Variants in IL1R1 observed in about 807,000 individuals in gnomAD.
IL1R1 encodes interleukin 1 receptor type 1, also known as interleukin-1 receptor type 1.
A neutral mutation model predicts 50.2 loss-of-function variants in IL1R1; 22 were observed. The observed-to-expected ratio is 0.44, with a 90% confidence interval of 0.31 to 0.63. The LOEUF (loss-of-function observed/expected upper bound fraction) is 0.63. Among genes scored for constraint, IL1R1 ranks in the 20% least tolerant of loss-of-function variants. IL1R1 has a pLI of 0.07. For missense variants in IL1R1, 509 were observed against 676.2 expected (o/e 0.75, Z 2.74); for synonymous variants, 251 against 236.7 (o/e 1.06, Z -0.55).
At chr2:102,149,007 T>C (rs1054513341) in intron 1 of IL1R1, among the ~76,000 whole-genome samples, 2 of 152,168 alleles carry the variant, frequency 1.3e-5, no homozygotes, top group Non-Finnish European at 2.9e-5. Context: ...ATCATAATTA[T>C]GGGCTTGGTT....
At chr2:102,152,057 AG>A (rs1683713662) in intron 1 of IL1R1, among the ~76,000 whole-genome samples, 1 of 152,048 alleles carries the variant, frequency 6.6e-6, no homozygotes, top group Non-Finnish European at 1.5e-5. Context: ...AGAACCTAGG[AG>A]GGATAGTGGC....
At position 102,120,481 on chromosome 2, in the gene IL1R1, A is replaced by G. The variant is rs184301341; in HGVS notation, c.-84+15609A>G. Among the ~76,000 whole-genome samples the G allele has an allele frequency of 3.9e-5, 6 of 152,292 alleles. No individual in the cohort carries two copies. The East Asian group carries it at 1.2e-3, about 29-fold the overall frequency. On this transcript the variant is annotated intron_variant, in intron 1 of 10. Coordinates refer to the IL1R1 transcript ENST00000409329. Reference sequence around the variant, plus strand: ...ATTTGTCACATGCAGGAAAGGCACAATTCCTGCCTCCATGAAGCTCACTGT... The same window carrying G: ...ATTTGTCACATGCAGGAAAGGCACAGTTCCTGCCTCCATGAAGCTCACTGT...
intron 1 of IL1R1, among the ~76,000 whole-genome samples, chr2:102,123,381 T>C (rs1681507628): frequency 6.6e-6 from 1 of 152,220 alleles, no homozygotes; most frequent in Admixed American, 6.5e-5. Context: ...GGTCCATGTT[T>C]AAAACAAATT....
Position 102,164,816 on chromosome 2 carries a change from C to G in IL1R1, c.104C>G (p.Ser35Cys), listed in dbSNP as rs201587813. The G allele has an allele frequency of 2.1e-5, 34 of 1,613,856 alleles. No individual in the cohort carries two copies. Among genetic ancestry groups the G allele is most frequent in the Non-Finnish European group, 2.9e-5 (34 of 1,179,934 alleles). The change falls in exon 4 of 12, where the codon TCT becomes TGT. Residue 35 changes from serine to cysteine, a missense_variant. By Grantham distance (112) the Ser-to-Cys change is moderately radical. Coordinates refer to ENST00000410023, the MANE Select transcript of IL1R1 (RefSeq NM_000877.4). The stretch of plus-strand genomic sequence containing the variant: ...GAAGAAAAAATAATTTTAGTGTCAT[C>G]TGCAAATGAAATTGATGTTCGTCCC... Reference protein sequence around the residue: ...EREEKIILVSSANEIDVRPCP... With the variant: ...EREEKIILVSCANEIDVRPCP...
intron 1 of IL1R1, among the ~76,000 whole-genome samples, chr2:102,148,433 A>G (rs576476489): frequency 5.3e-5 from 8 of 152,234 alleles, no homozygotes; most frequent in Admixed American, 2.0e-4. Flanking sequence ...CTCGGATTTT[A>G]CCTCCCAGGG....
chr2:102,140,342 A>C (rs1027881333), upstream of IL1R1, among the ~76,000 whole-genome samples: 2 of 152,076 alleles, frequency 1.3e-5, no homozygotes, highest in Non-Finnish European at 2.9e-5. Flanking sequence ...ATTATCAGAA[A>C]CTCTTCCCAA....
At chr2:102,095,587 T>C (rs1415575490) in intron 1 of IL1R1, among the ~76,000 whole-genome samples, 1 of 152,228 alleles carries the variant, frequency 6.6e-6, no homozygotes, top group Admixed American at 6.5e-5. Flanking sequence ...CTTTGAAGTT[T>C]TCTGTATACC....
chr2:102,108,242 G>T (rs1041951319), intron 1 of IL1R1, among the ~76,000 whole-genome samples: 16 of 27,560 alleles, frequency 5.8e-4, no homozygotes, highest in Non-Finnish European at 9.1e-4. Context: ...GTGTGTGTGT[G>T]GGGGGGGGTG....
intron 1 of IL1R1, among the ~76,000 whole-genome samples, chr2:102,098,974 A>G (rs1467195510): frequency 6.6e-6 from 1 of 152,158 alleles, no homozygotes; most frequent in South Asian, 2.1e-4. Context: ...TTGGGTTGTG[A>G]CTCATACTTA....
chr2:102,147,038 A>C (rs1648046454), intron 1 of IL1R1, among the ~76,000 whole-genome samples: 1 of 152,218 alleles, frequency 6.6e-6, no homozygotes, highest in Non-Finnish European at 1.5e-5. Context: ...TAAGCCAGCC[A>C]TCAGGAATGC....
At chr2:102,151,907 A>G (rs1354136475) in intron 1 of IL1R1, among the ~76,000 whole-genome samples, 2 of 152,144 alleles carry the variant, frequency 1.3e-5, no homozygotes, top group African/African-American at 2.4e-5. Flanking sequence ...AGCGCTGGAC[A>G]CAGAGCCAGC....
upstream of IL1R1, chr2:102,142,549 G>C (rs1682732696): frequency 6.6e-6 from 1 of 152,148 alleles, no homozygotes; most frequent in Admixed American, 6.5e-5. Context: ...CAATGCTTTG[G>C]AACCGGCGGG....
chr2:102,088,522 G>A (rs138666559), intron 1 of IL1R1, among the ~76,000 whole-genome samples: 3 of 152,232 alleles, frequency 2.0e-5, no homozygotes, highest in African/African-American at 7.2e-5. Context: ...TTGTTGTTAA[G>A]TTTATAGCGC....
chr2:102,093,349 T>C (rs1395648809), intron 1 of IL1R1, among the ~76,000 whole-genome samples: 1 of 152,216 alleles, frequency 6.6e-6, no homozygotes, highest in Non-Finnish European at 1.5e-5. Flanking sequence ...TTCATTTCTT[T>C]GGGGTATTTT....
chr2:102,154,444 AC>A (rs1683978066), intron 2 of IL1R1, among the ~76,000 whole-genome samples: 1 of 152,088 alleles, frequency 6.6e-6, no homozygotes, highest in Non-Finnish European at 1.5e-5. Flanking sequence ...TGTGGGTGAC[AC>A]CCTCTGAGCA....
chr2:102,118,878 C>T (rs560042363), intron 1 of IL1R1, among the ~76,000 whole-genome samples: 203 of 151,904 alleles, frequency 1.3e-3, no homozygotes, highest in Non-Finnish European at 2.3e-3. Context: ...ATTAGCCAGG[C>T]GTGGTGGCAG....
chr2:102,076,410 C>A (rs1577786569), intron 1 of IL1R1, among the ~76,000 whole-genome samples: 1 of 152,156 alleles, frequency 6.6e-6, no homozygotes, highest in Non-Finnish European at 1.5e-5. Flanking sequence ...ATCTCCTGAC[C>A]TCGTGATCCA....
chr2:102,168,577 T>C (rs748809764), intron 6 of IL1R1, 21 bp from the exon 7 acceptor site: 2 of 1,604,820 alleles, frequency 1.2e-6, no homozygotes, highest in Admixed American at 1.7e-5. Context: ...CTGACAAACC[T>C]TATGGATGTT....
intron 1 of IL1R1, among the ~76,000 whole-genome samples, chr2:102,098,768 T>C (rs1284045580): frequency 1.3e-5 from 2 of 152,226 alleles, no homozygotes; most frequent in African/African-American, 4.8e-5. Flanking sequence ...TAATTTTCCA[T>C]CTATTCTTTA....
Sources: allele counts gnomAD v4.1 joint callset (sites outside exome capture counted in the v4.1 genomes callset), GRCh38; gene constraint gnomAD v4.1.1; transcripts MANE v1.5; gene names NCBI Gene and HGNC (gene_info 2026-07-23, HGNC 2026-07-21).